The following DAB1 variants were observed in gnomAD, a reference collection of about 807,000 sequenced individuals.
DAB1 encodes the protein disabled homolog 1.
A neutral mutation model predicts 64.6 loss-of-function variants in DAB1; 15 were observed. The observed-to-expected ratio is 0.23, with a 90% CI of 0.16 to 0.36. The LOEUF is 0.36. DAB1 is among the 10% of genes least tolerant of loss of function. The pLI is 1.00. For synonymous variants in DAB1, 235 were observed against 251.9 expected (o/e 0.93, Z 0.64); for missense variants, 596 against 706.7 (o/e 0.84, Z 1.78).
chr1:57,564,522 C>A (rs927665541), intron 7 of DAB1, among the ~76,000 whole-genome samples: 1 of 152,046 alleles, frequency 6.6e-6, no homozygotes, highest in Non-Finnish European at 1.5e-5. Context: ...CGCAAAGAAG[C>A]TAAAAATCTT....
chr1:57,918,590 C>T (rs771712669), intron 5 of DAB1, among the ~76,000 whole-genome samples: 7 of 152,070 alleles, frequency 4.6e-5, no homozygotes, highest in South Asian at 2.1e-4. Context: ...TTTGGGAGGC[C>T]GGGGCGGGCA....
At chr1:58,088,428 C>T (rs1315108667) in intron 5 of DAB1, among the ~76,000 whole-genome samples, 2 of 152,308 alleles carry the variant, frequency 1.3e-5, no homozygotes, top group East Asian at 3.9e-4. Flanking sequence ...AAAAAATTAT[C>T]TTCTAATGAA....
At chr1:57,642,025 A>C (rs932694453) in intron 7 of DAB1, among the ~76,000 whole-genome samples, 1 of 152,146 alleles carries the variant, frequency 6.6e-6, no homozygotes, top group Non-Finnish European at 1.5e-5. Flanking sequence ...CTTTACTTAC[A>C]AACGCAGATA....
intron 4 of DAB1, among the ~76,000 whole-genome samples, chr1:58,316,923 T>C (rs773480704): frequency 6.6e-6 from 1 of 152,226 alleles, no homozygotes; most frequent in Non-Finnish European, 1.5e-5. Flanking sequence ...AGTACATATT[T>C]ATAATTTTGT....
At chr1:58,299,066 C>T (rs1235325745) in intron 4 of DAB1, among the ~76,000 whole-genome samples, 2 of 152,170 alleles carry the variant, frequency 1.3e-5, no homozygotes, top group African/African-American at 4.8e-5. Flanking sequence ...CATCTGAGGG[C>T]AGTCATTCAC....
chr1:57,608,720 A>G (rs1175712437), intron 7 of DAB1, among the ~76,000 whole-genome samples: 1 of 152,192 alleles, frequency 6.6e-6, no homozygotes, highest in African/African-American at 2.4e-5. Context: ...AGTAAGGTTA[A>G]GTAACTTCTC....
At chr1:57,765,741 T>C (rs1649282630) in intron 6 of DAB1, among the ~76,000 whole-genome samples, 1 of 152,190 alleles carries the variant, frequency 6.6e-6, no homozygotes. Flanking sequence ...TTGACTTCCA[T>C]GATGCCACTC....
At chr1:57,166,443 A>G (rs72672669) in intron 2 of DAB1, among the ~76,000 whole-genome samples, 11,611 of 152,300 alleles carry the variant, frequency 0.076, 509 homozygotes, top group Non-Finnish European at 0.097. Context: ...GTAGTAACAC[A>G]TAAACCTTTG....
At chr1:57,175,814 A>T (rs1204285686) in intron 2 of DAB1, among the ~76,000 whole-genome samples, 2 of 152,068 alleles carry the variant, frequency 1.3e-5, no homozygotes, top group South Asian at 2.1e-4. Context: ...TTTGCTAAAA[A>T]CCCATCAAAA....
chr1:57,169,843 C>T (rs1661561480), intron 2 of DAB1, among the ~76,000 whole-genome samples: 1 of 152,058 alleles, frequency 6.6e-6, no homozygotes, highest in Admixed American at 6.6e-5. Flanking sequence ...TGCTCCTCAG[C>T]CATAAATTCC....
chr1:57,859,273 T>C (rs1210124174), intron 1 of DAB1, among the ~76,000 whole-genome samples: 2 of 152,304 alleles, frequency 1.3e-5, no homozygotes, highest in East Asian at 1.9e-4. Flanking sequence ...TAGTGATTCG[T>C]ATTTGCTGCT....
intron 2 of DAB1, among the ~76,000 whole-genome samples, chr1:57,272,750 A>G (rs1255923152): frequency 6.6e-6 from 1 of 152,180 alleles, no homozygotes; most frequent in African/African-American, 2.4e-5. Context: ...GTGAGTTTAA[A>G]TAAGGCTCCT....
At chr1:57,795,796 A>T (rs1358266654) in intron 6 of DAB1, among the ~76,000 whole-genome samples, 1 of 146,106 alleles carries the variant, frequency 6.8e-6, no homozygotes, top group East Asian at 2.1e-4. Flanking sequence ...GATTTACAGG[A>T]TAAATTTAAG....
At chr1:57,225,505 C>T (rs913712471) in intron 2 of DAB1, among the ~76,000 whole-genome samples, 1 of 152,176 alleles carries the variant, frequency 6.6e-6, no homozygotes, top group African/African-American at 2.4e-5. Context: ...CAGCATACAT[C>T]ACAACCAGGC....
chr1:57,323,528 T>C (rs190873490), intron 1 of DAB1, among the ~76,000 whole-genome samples: 234 of 152,248 alleles, frequency 1.5e-3, no homozygotes, highest in African/African-American at 5.4e-3. Flanking sequence ...TGGCCTGGAA[T>C]TTTCACTTTA....
At chr1:57,049,243 A>G (rs982157101) in intron 9 of DAB1, among the ~76,000 whole-genome samples, 1 of 151,762 alleles carries the variant, frequency 6.6e-6, no homozygotes, top group Non-Finnish European at 1.5e-5. Context: ...AGGTCAGGAG[A>G]TCGAGATCAT....
intron 5 of DAB1, among the ~76,000 whole-genome samples, chr1:57,889,258 T>C (rs1400561931): frequency 6.6e-6 from 1 of 152,266 alleles, no homozygotes; most frequent in Non-Finnish European, 1.5e-5. Flanking sequence ...CCCACTATGC[T>C]GGGCATGATC....
intron 4 of DAB1, among the ~76,000 whole-genome samples, chr1:58,233,202 T>C (rs770029012): frequency 2.6e-5 from 4 of 152,290 alleles, no homozygotes; most frequent in Middle Eastern, 3.4e-3. Context: ...ATTAAGTATA[T>C]TGAAATGTAG....
intron 4 of DAB1, among the ~76,000 whole-genome samples, chr1:58,222,140 CTG>C (rs929217421): frequency 6.6e-6 from 1 of 152,214 alleles, no homozygotes; most frequent in Non-Finnish European, 1.5e-5. Flanking sequence ...CTTTCTAAAA[CTG>C]TGGAACTTAA....
Sources: gnomAD v4.1 joint callset for allele counts (sites outside exome capture counted in the v4.1 genomes callset) on GRCh38, gnomAD v4.1.1 for gene constraint, MANE v1.5 for transcripts, NCBI Gene and HGNC (gene_info 2026-07-23, HGNC 2026-07-21) for gene names.